Variants in TOP6BL observed in about 807,000 individuals in gnomAD.
TOP6BL encodes type 2 DNA topoisomerase 6 subunit B-like.
chr11:66,792,194 C>T, the TOP6BL span, among the ~76,000 whole-genome samples: 1 of 152,272 alleles, frequency 6.6e-6, no homozygotes, highest in East Asian at 1.9e-4. Flanking sequence ...ATTAATTATC[C>T]TCTCTGACCT....
At chr11:66,764,411 T>C in the TOP6BL span, among the ~76,000 whole-genome samples, 1 of 149,558 alleles carries the variant, frequency 6.7e-6, no homozygotes, top group Non-Finnish European at 1.5e-5. Context: ...CCCAGCACTT[T>C]GGGAGGCCTA....
the TOP6BL span, chr11:66,762,031 T>C: frequency 2.7e-6 from 4 of 1,485,366 alleles, no homozygotes; most frequent in Admixed American, 6.7e-5. Flanking sequence ...ACAGTGATTT[T>C]TTCCCCCCAG....
chr11:66,815,941 T>G, the TOP6BL span: 2 of 1,103,846 alleles, frequency 1.8e-6, no homozygotes, highest in Non-Finnish European at 2.5e-6. Flanking sequence ...GTGTTCAGAT[T>G]TAGATCTCCT....
At chr11:66,815,192 A>G in the TOP6BL span, among the ~76,000 whole-genome samples, 1 of 152,204 alleles carries the variant, frequency 6.6e-6, no homozygotes, top group Non-Finnish European at 1.5e-5. Context: ...AGGGATCGCC[A>G]TACCTCCTTT....
chr11:66,772,706 G>A, the TOP6BL span, among the ~76,000 whole-genome samples: 1 of 152,200 alleles, frequency 6.6e-6, no homozygotes, highest in Non-Finnish European at 1.5e-5. Context: ...GAAGGTGGAG[G>A]TTGCAGTGAG....
the TOP6BL span, chr11:66,796,301 C>G: frequency 6.2e-7 from 1 of 1,610,090 alleles, no homozygotes; most frequent in Non-Finnish European, 8.5e-7. Flanking sequence ...AGCCCAGAAC[C>G]TTGATGACAG....
the TOP6BL span, among the ~76,000 whole-genome samples, chr11:66,751,215 CAG>C: frequency 1.3e-5 from 2 of 151,798 alleles, no homozygotes; most frequent in Non-Finnish European, 2.9e-5. Flanking sequence ...TTTTTTGAGG[CAG>C]AGTCTCACTC....
chr11:66,755,982 C>T, the TOP6BL span, among the ~76,000 whole-genome samples: 1 of 152,194 alleles, frequency 6.6e-6, no homozygotes, highest in Non-Finnish European at 1.5e-5. Context: ...GTCATATACA[C>T]TGGGGCTAGT....
At chr11:66,800,481 T>C in the TOP6BL span, among the ~76,000 whole-genome samples, 1 of 152,250 alleles carries the variant, frequency 6.6e-6, no homozygotes, top group South Asian at 2.1e-4. Context: ...AAACACCACA[T>C]TGTACCCTAT....
the TOP6BL span, among the ~76,000 whole-genome samples, chr11:66,805,106 C>T: frequency 6.6e-6 from 1 of 151,910 alleles, no homozygotes; most frequent in Non-Finnish European, 1.5e-5. Flanking sequence ...TGGTGGTGTA[C>T]GCCTATAGTC....
At chr11:66,842,071 C>G in the TOP6BL span, among the ~76,000 whole-genome samples, 1 of 151,978 alleles carries the variant, frequency 6.6e-6, no homozygotes, top group Non-Finnish European at 1.5e-5. Context: ...GTGGCATGCG[C>G]CTGTGGTTCC....
the TOP6BL span, among the ~76,000 whole-genome samples, chr11:66,795,433 C>A: frequency 6.6e-6 from 1 of 151,628 alleles, no homozygotes; most frequent in Non-Finnish European, 1.5e-5. Context: ...TCCTGAGTAG[C>A]TGGGATTGCA....
chr11:66,814,586 T>G, the TOP6BL span, among the ~76,000 whole-genome samples: 1 of 152,190 alleles, frequency 6.6e-6, no homozygotes, highest in Non-Finnish European at 1.5e-5. Flanking sequence ...TGATACTGGT[T>G]CTCCTCTTAC....
chr11:66,807,006 A>G, the TOP6BL span, among the ~76,000 whole-genome samples: 1 of 152,326 alleles, frequency 6.6e-6, no homozygotes, highest in South Asian at 2.1e-4. Context: ...AAGGGATAAG[A>G]CAGACAAATT....
the TOP6BL span, among the ~76,000 whole-genome samples, chr11:66,790,945 A>G: frequency 1.3e-5 from 2 of 152,300 alleles, no homozygotes; most frequent in African/African-American, 2.4e-5. Context: ...AAATAATAGT[A>G]TAGTCAAACG....
the TOP6BL span, among the ~76,000 whole-genome samples, chr11:66,811,895 A>T: frequency 6.6e-6 from 1 of 152,170 alleles, no homozygotes; most frequent in African/African-American, 2.4e-5. Context: ...GTGAGCTATG[A>T]TCACATCATT....
At chr11:66,783,812 G>A in the TOP6BL span, among the ~76,000 whole-genome samples, 2 of 151,874 alleles carry the variant, frequency 1.3e-5, no homozygotes, top group Non-Finnish European at 2.9e-5. Context: ...GTGGTTTTTA[G>A]TATATTTTCG....
chr11:66,841,755 TC>T, the TOP6BL span, among the ~76,000 whole-genome samples: 1 of 152,104 alleles, frequency 6.6e-6, no homozygotes, highest in Non-Finnish European at 1.5e-5. Flanking sequence ...TGAGCTACAA[TC>T]ACGCCACTGC....
chr11:66,780,132 A>G, the TOP6BL span, among the ~76,000 whole-genome samples: 1 of 152,226 alleles, frequency 6.6e-6, no homozygotes, highest in South Asian at 2.1e-4. Context: ...CACGTTGTGC[A>G]CATGTACCCT....
Sources: gnomAD v4.1 joint callset for allele counts (sites outside exome capture counted in the v4.1 genomes callset) on GRCh38, gnomAD v4.1.1 for gene constraint, MANE v1.5 for transcripts, NCBI Gene and HGNC (gene_info 2026-07-23, HGNC 2026-07-21) for gene names.